The following TTLL7 variants were observed in gnomAD, a reference collection of about 807,000 sequenced individuals.
The protein encoded by TTLL7 is tubulin polyglutamylase TTLL7.
Under a neutral mutation model 120.2 loss-of-function variants are expected in TTLL7, and 53 were observed. The observed-to-expected ratio is 0.44, with a 90% CI of 0.35 to 0.55. TTLL7 has a LOEUF of 0.55. TTLL7 is among the 20% of genes least tolerant of loss of function. The pLI is 0.00. For missense variants in TTLL7, 803 were observed against 1,054.7 expected (o/e 0.76, Z 3.31); for synonymous variants, 353 against 351.7 (o/e 1.00, Z -0.04).
At chr1:83,909,503 G>C (rs1041808591) in intron 15 of TTLL7, among the ~76,000 whole-genome samples, 1 of 151,692 alleles carries the variant, frequency 6.6e-6, no homozygotes, top group African/African-American at 2.4e-5. Context: ...ACTCAAGTAG[G>C]ATTTCTGGCT....
intron 1 of TTLL7, among the ~76,000 whole-genome samples, chr1:83,976,714 A>T (rs1012272813): frequency 1.3e-5 from 2 of 152,118 alleles, no homozygotes; most frequent in African/African-American, 4.8e-5. Context: ...CCAATGTTTT[A>T]TACCAGCCTA....
intron 18 of TTLL7, among the ~76,000 whole-genome samples, chr1:83,903,692 G>GA (rs1248694804): frequency 6.6e-6 from 1 of 151,606 alleles, no homozygotes; most frequent in Non-Finnish European, 1.5e-5. Flanking sequence ...AATGACAAGG[G>GA]AAAAAAAGTC....
chr1:83,884,128 G>C (rs923641015), intron 19 of TTLL7, among the ~76,000 whole-genome samples: 2 of 151,656 alleles, frequency 1.3e-5, no homozygotes, highest in Non-Finnish European at 2.9e-5. Flanking sequence ...TCCACCAGTA[G>C]GGAGGGAGGG....
chr1:83,911,208 A>T lies in TTLL7; in HGVS notation c.1743T>A (p.Tyr581Ter). ...QNKKREKQVT[Y>*]NLKPSNHYKL... ...TGTAGTGGTTGGAGGGTTTAAGATT[A>T]TATGTAACTTGCTTTTCTCTTTTCT... Residue 581 changes from tyrosine (Y) to a stop codon, truncating the protein, a stop_gained, in exon 15 of 21, where the codon TAT (tyrosine) becomes TAA (stop). Transcript: ENST00000260505. LOFTEE classifies it high-confidence loss of function. 1 of 1,613,174 alleles carries T rather than the reference A, an allele frequency of 6.2e-7. No individual in the cohort carries two copies. Among genetic ancestry groups the T allele is most frequent in the Non-Finnish European group, 8.5e-7 (1 of 1,179,282 alleles).
At chr1:83,949,315 G>GTT (rs755429825) in intron 4 of TTLL7, 4 of 138,868 alleles carry the variant, frequency 2.9e-5, no homozygotes, top group East Asian at 2.0e-4. Flanking sequence ...TTTTTGTTTT[G>GTT]TTTTTTTTTT....
chr1:83,881,893 G>T (rs1156408822), intron 20 of TTLL7, among the ~76,000 whole-genome samples: 3 of 150,260 alleles, frequency 2.0e-5, no homozygotes, highest in African/African-American at 4.9e-5. Flanking sequence ...ATACACCATG[G>T]AATACTATGC....
At chr1:83,896,526 A>C (rs1486913075) in intron 18 of TTLL7, among the ~76,000 whole-genome samples, 20 of 152,090 alleles carry the variant, frequency 1.3e-4, no homozygotes, top group Non-Finnish European at 5.9e-5. Context: ...TACATGCTGT[A>C]CTAATGATGC....
At chr1:83,903,424 A>G (rs1656899705) in intron 18 of TTLL7, among the ~76,000 whole-genome samples, 1 of 151,610 alleles carries the variant, frequency 6.6e-6, no homozygotes. Context: ...TTTTATCTCA[A>G]TTTATTTTTC....
At chr1:83,933,818 T>C in intron 8 of TTLL7, 52 bp from the exon 9 acceptor site, 2 of 1,549,614 alleles carry the variant, frequency 1.3e-6, no homozygotes, top group Non-Finnish European at 8.8e-7. Context: ...TCATTTCATA[T>C]GTGCAAATAT....
At chr1:83,958,563 T>C (rs1649733640) in intron 1 of TTLL7, among the ~76,000 whole-genome samples, 1 of 152,126 alleles carries the variant, frequency 6.6e-6, no homozygotes, top group Non-Finnish European at 1.5e-5. Context: ...TTTCCAAATA[T>C]CAGGTCATGA....
chr1:83,892,457 T>TATGAACATATATATGAACATATGA (rs1557564321), intron 18 of TTLL7, among the ~76,000 whole-genome samples: 19 of 55,038 alleles, frequency 3.5e-4, no homozygotes, highest in Non-Finnish European at 6.7e-4. Context: ...AATGAACATA[T>TATGAACATATATATGAACATATGA]ATGAACATAT....
At chr1:83,923,977 A>G (rs989048526) in intron 10 of TTLL7, among the ~76,000 whole-genome samples, 1 of 152,130 alleles carries the variant, frequency 6.6e-6, no homozygotes, top group African/African-American at 2.4e-5. Flanking sequence ...AACCACTAGA[A>G]GTTCTATGAG....
rs1653012361 is a variant in TTLL7, at chr1:83,867,734, A to AAAG, written c.*2227_*2228insCTT. Reference sequence around the variant, plus strand: ...GGCTGTTATCATATATCAGACACTTATATATATATTTTTGTGGCCAAATCA... The same window carrying AAAG: ...GGCTGTTATCATATATCAGACACTTAAAGTATATATATTTTTGTGGCCAAATCA... On this transcript the variant is annotated 3_prime_UTR_variant, in exon 21 of 21. Coordinates refer to ENST00000260505, the MANE Select transcript of TTLL7 (RefSeq NM_024686.6). The AAAG allele has an allele frequency of 1.1e-4, 16 of 151,664 alleles. No individual in the cohort carries two copies. The highest frequency in any genetic ancestry group is 5.9e-5 in the Non-Finnish European group (4 of 67,844). The allele number at this position is 151,664 out of a possible 1,614,324, so 9.4% of individuals were successfully genotyped here.
chr1:83,876,550 A>T (rs1238288741), intron 20 of TTLL7, among the ~76,000 whole-genome samples: 4 of 151,982 alleles, frequency 2.6e-5, no homozygotes, highest in Non-Finnish European at 5.9e-5. Flanking sequence ...ATTTGAGAAG[A>T]ACTGACATAT....
chr1:83,915,876 A>G (rs938426778), intron 14 of TTLL7, among the ~76,000 whole-genome samples: 2 of 152,258 alleles, frequency 1.3e-5, no homozygotes, highest in Admixed American at 1.3e-4. Context: ...TGCAGTCAAA[A>G]GACACATGAA....
chr1:83,934,858 G>C (rs1647250743), intron 8 of TTLL7, among the ~76,000 whole-genome samples: 1 of 152,104 alleles, frequency 6.6e-6, no homozygotes, highest in African/African-American at 2.4e-5. Flanking sequence ...TCTGCAAAAG[G>C]TTAATGTAAG....
intron 1 of TTLL7, among the ~76,000 whole-genome samples, chr1:83,976,960 T>A (rs1160042480): frequency 6.6e-6 from 1 of 152,096 alleles, no homozygotes; most frequent in Admixed American, 6.6e-5. Context: ...CCCTTTTTAT[T>A]ACCTATGTTC....
intron 15 of TTLL7, among the ~76,000 whole-genome samples, chr1:83,910,495 C>T (rs1193018288): frequency 2.0e-5 from 3 of 151,882 alleles, no homozygotes; most frequent in African/African-American, 4.8e-5. Context: ...CAATATTGCA[C>T]ATTTGGAATT....
chr1:83,926,149 T>C (rs1571209106), intron 10 of TTLL7, among the ~76,000 whole-genome samples: 1 of 148,196 alleles, frequency 6.7e-6, no homozygotes, highest in Non-Finnish European at 1.5e-5. Context: ...TACATATGAG[T>C]GATTAGGTTT....
Sources: gnomAD v4.1 joint callset for allele counts (sites outside exome capture counted in the v4.1 genomes callset) on GRCh38, gnomAD v4.1.1 for gene constraint, MANE v1.5 for transcripts, NCBI Gene and HGNC (gene_info 2026-07-23, HGNC 2026-07-21) for gene names.